CCDC141: variants seen among roughly 807,000 people sequenced by gnomAD.
CCDC141 encodes the protein coiled-coil domain-containing protein 141.
A neutral mutation model predicts 181.0 loss-of-function variants in CCDC141; 168 were observed. The observed-to-expected ratio is 0.93, with a 90% CI of 0.82 to 1.05. CCDC141 has a LOEUF of 1.05. Among genes scored for constraint, CCDC141 ranks in the 50% least tolerant of loss-of-function variants. The pLI is 0.00. For synonymous variants in CCDC141, 666 were observed against 642.3 expected, an observed-to-expected ratio of 1.04 and a Z score of -0.56; for missense variants, 1,902 against 1,788.5, an observed-to-expected ratio of 1.06 and a Z score of -1.14.
At chr2:178,957,939 G>T (rs1490815520) in intron 5 of CCDC141, among the ~76,000 whole-genome samples, 1 of 152,076 alleles carries the variant, frequency 6.6e-6, no homozygotes, top group Non-Finnish European at 1.5e-5. Flanking sequence ...CTTTGCCCAG[G>T]GTTGTCTAGA....
chr2:178,828,895 C>T (rs1684167897), downstream of CCDC141, among the ~76,000 whole-genome samples: 1 of 151,976 alleles, frequency 6.6e-6, no homozygotes, highest in South Asian at 2.1e-4. Context: ...GATAAAAATA[C>T]CATTTTGTAG....
intron 5 of CCDC141, among the ~76,000 whole-genome samples, chr2:178,954,426 T>C (rs556942220): frequency 2.6e-5 from 4 of 152,368 alleles, no homozygotes; most frequent in East Asian, 3.9e-4. Flanking sequence ...ATTATCTTTA[T>C]GAGGCTATCA....
intron 17 of CCDC141, among the ~76,000 whole-genome samples, chr2:178,865,138 T>C (rs776845439): frequency 2.6e-5 from 4 of 152,180 alleles, no homozygotes; most frequent in Non-Finnish European, 5.9e-5. Flanking sequence ...GAATTAAGCA[T>C]GTGGAGGTGC....
rs144563240 is a variant in CCDC141, at chr2:178,957,297, C to T, written c.780+3933G>A. ...ATGTTTTGCACTTATTTCATTTAAT[C>T]CTTATAGCAACTCTGTGAGTTAAGT... On this transcript the variant is annotated intron_variant, in intron 5 of 23. Transcript: ENST00000443758. Among the ~76,000 whole-genome samples the T allele has an allele frequency of 3.2e-3, 482 of 152,276 alleles. 2 individuals are homozygous for T. The highest frequency in any genetic ancestry group is 0.011 in the African/African-American group (448 of 41,548).
chr2:178,823,500 T>C, the CCDC141 span, among the ~76,000 whole-genome samples: 1 of 152,146 alleles, frequency 6.6e-6, no homozygotes, highest in East Asian at 1.9e-4. Flanking sequence ...TTTAGTAACC[T>C]TAAGATATGA....
At chr2:178,969,512 A>C (rs1327355111) in intron 4 of CCDC141, among the ~76,000 whole-genome samples, 2 of 152,216 alleles carry the variant, frequency 1.3e-5, no homozygotes, top group African/African-American at 2.4e-5. Flanking sequence ...AAACAGAACC[A>C]ATGACAAAAA....
chr2:178,996,699 T>C (rs879575074), intron 2 of CCDC141, among the ~76,000 whole-genome samples: 1 of 152,224 alleles, frequency 6.6e-6, no homozygotes, highest in Non-Finnish European at 1.5e-5. Context: ...CAATATTTCG[T>C]TGGGACTCTC....
At chr2:178,984,495 G>A (rs1229660761) in intron 2 of CCDC141, among the ~76,000 whole-genome samples, 4 of 151,824 alleles carry the variant, frequency 2.6e-5, no homozygotes, top group African/African-American at 9.7e-5. Flanking sequence ...TGGACTAACT[G>A]CTCCAATTAA....
chr2:178,967,761 G>A (rs1690703932), intron 4 of CCDC141, among the ~76,000 whole-genome samples: 1 of 152,138 alleles, frequency 6.6e-6, no homozygotes, highest in Admixed American at 6.5e-5. Context: ...AAATGTAAAT[G>A]GGCTAACTGG....
chr2:178,952,402 A>G (rs932279517), intron 5 of CCDC141, among the ~76,000 whole-genome samples: 2 of 152,202 alleles, frequency 1.3e-5, no homozygotes, highest in African/African-American at 4.8e-5. Flanking sequence ...CAATAAATCT[A>G]TAGGTAGATA....
intron 4 of CCDC141, among the ~76,000 whole-genome samples, chr2:178,965,447 T>C (rs1007772629): frequency 6.6e-6 from 1 of 152,212 alleles, no homozygotes; most frequent in African/African-American, 2.4e-5. Context: ...TTGGTACTCG[T>C]TGGACAGTGG....
intron 2 of CCDC141, among the ~76,000 whole-genome samples, chr2:179,019,640 G>A (rs529421442): frequency 6.6e-6 from 1 of 151,944 alleles, no homozygotes; most frequent in South Asian, 2.1e-4. Context: ...TCTATAGTAG[G>A]AAACTACACT....
In CCDC141 at chr2:178,973,264, G is replaced by A. The variant is rs78779018; in HGVS notation, c.526+1793C>T. Among the ~76,000 whole-genome samples, 656 of 152,140 alleles carry A rather than the reference G, an allele frequency of 4.3e-3. 2 individuals are homozygous for A. Among genetic ancestry groups the A allele is most frequent in the Non-Finnish European group, 7.1e-3 (484 of 67,992 alleles). ...AAGCCACCACTGGGCATATGAACTG[G>A]GAACAAGTATCCTGACCAGAGTTCT... On this transcript the variant is annotated intron_variant, in intron 4 of 23. Transcript: ENST00000443758.
chr2:179,039,578 C>T (rs1342743877), intron 2 of CCDC141, among the ~76,000 whole-genome samples: 1 of 151,218 alleles, frequency 6.6e-6, no homozygotes, highest in East Asian at 2.0e-4. Context: ...AGTGTTGTGC[C>T]CAAATCAGAG....
At chr2:178,864,121 C>A (rs4894056) in intron 17 of CCDC141, among the ~76,000 whole-genome samples, 1 of 152,028 alleles carries the variant, frequency 6.6e-6, no homozygotes, top group Non-Finnish European at 1.5e-5. Flanking sequence ...GCTCCACTTG[C>A]GCTTTAGCAA....
chr2:178,899,342 A>C (rs1170218791), intron 8 of CCDC141, among the ~76,000 whole-genome samples: 1 of 152,128 alleles, frequency 6.6e-6, no homozygotes, highest in East Asian at 1.9e-4. Context: ...ATTTCTCAGA[A>C]TGTATCCTCA....
chr2:179,015,122 TATA>T (rs2042424353), intron 2 of CCDC141, among the ~76,000 whole-genome samples: 1 of 93,616 alleles, frequency 1.1e-5, no homozygotes, highest in Non-Finnish European at 2.3e-5. Flanking sequence ...TATAATCATA[TATA>T]TATATCATAT....
At chr2:178,820,802 C>T in the CCDC141 span, among the ~76,000 whole-genome samples, 1 of 152,028 alleles carries the variant, frequency 6.6e-6, no homozygotes, top group African/African-American at 2.4e-5. Flanking sequence ...TTTTAAATTG[C>T]CTGAAACTGG....
intron 2 of CCDC141, among the ~76,000 whole-genome samples, chr2:178,996,237 C>T (rs1692283372): frequency 6.6e-6 from 1 of 151,998 alleles, no homozygotes; most frequent in African/African-American, 2.4e-5. Context: ...ACCACCATGC[C>T]TGGCTAATTT....
Sources: gnomAD v4.1 joint callset for allele counts (sites outside exome capture counted in the v4.1 genomes callset) on GRCh38, gnomAD v4.1.1 for gene constraint, MANE v1.5 for transcripts, NCBI Gene and HGNC (gene_info 2026-07-23, HGNC 2026-07-21) for gene names.